Variants in LSAMP observed in about 807,000 individuals in gnomAD.
LSAMP encodes limbic system associated membrane protein, also known as limbic system-associated membrane protein.
A neutral mutation model predicts 38.6 loss-of-function variants in LSAMP; 7 were observed. The ratio of observed to expected loss-of-function variants is 0.18; its 90% confidence interval spans 0.10 to 0.34. The LOEUF (loss-of-function observed/expected upper bound fraction) is 0.34, where lower values mean the gene tolerates loss of function less well. Ranked by LOEUF, LSAMP falls within the 10% of genes least tolerant of loss-of-function variation. The probability of loss-of-function intolerance (pLI) is 1.00; values close to 1 mark genes in which losing one functional copy is unlikely to be tolerated. For missense variants in LSAMP, 313 were observed against 420.0 expected, an observed-to-expected ratio of 0.75 and a Z score of 2.23; for synonymous variants, 154 against 166.8, an observed-to-expected ratio of 0.92 and a Z score of 0.59.
chr3:116,250,909 A>G (rs1320107456), intron 1 of LSAMP, among the ~76,000 whole-genome samples: 2 of 152,064 alleles, frequency 1.3e-5, no homozygotes, highest in African/African-American at 2.4e-5. Flanking sequence ...AGAAAGCTAT[A>G]AAAGAAAACG....
chr3:116,194,547 A>G (rs1710834811), intron 1 of LSAMP, among the ~76,000 whole-genome samples: 1 of 152,120 alleles, frequency 6.6e-6, no homozygotes, highest in South Asian at 2.1e-4. Flanking sequence ...GGAGCCCGCC[A>G]CCACGCCCAG....
intron 3 of LSAMP, among the ~76,000 whole-genome samples, chr3:116,014,204 G>C (rs541573741): frequency 1.3e-5 from 2 of 152,178 alleles, no homozygotes; most frequent in East Asian, 3.9e-4. Context: ...TAAGTCAAGA[G>C]GTGTGTGTAT....
chr3:116,057,445 G>A (rs1188748962), intron 2 of LSAMP, among the ~76,000 whole-genome samples: 1 of 152,052 alleles, frequency 6.6e-6, no homozygotes, highest in Non-Finnish European at 1.5e-5. Context: ...CCCTTGATAT[G>A]GCATTGGTCA....
intron 1 of LSAMP, among the ~76,000 whole-genome samples, chr3:116,313,700 T>C (rs1449227711): frequency 6.6e-6 from 1 of 152,192 alleles, no homozygotes; most frequent in Non-Finnish European, 1.5e-5. Context: ...ACACCTATCA[T>C]CCCAGTACTT....
intron 2 of LSAMP, 92 bp from the exon 3 acceptor site, chr3:116,019,732 TA>T: frequency 1.5e-6 from 2 of 1,368,352 alleles, no homozygotes; most frequent in Admixed American, 3.5e-5. Context: ...CAAGGTTTTA[TA>T]ACTTAATTTG....
At chr3:116,419,524 G>A (rs761510731) in intron 1 of LSAMP, among the ~76,000 whole-genome samples, 19 of 152,174 alleles carry the variant, frequency 1.2e-4, no homozygotes, top group Non-Finnish European at 2.1e-4. Context: ...GGAGCTAGAA[G>A]CCAGGAGAGG....
intron 1 of LSAMP, among the ~76,000 whole-genome samples, chr3:116,241,837 A>G (rs1045433500): frequency 3.9e-5 from 6 of 152,308 alleles, no homozygotes; most frequent in African/African-American, 7.2e-5. Context: ...CCTCACCACT[A>G]TCACTGTTAG....
At chr3:116,418,694 C>G (rs2049083572) in intron 1 of LSAMP, among the ~76,000 whole-genome samples, 1 of 152,102 alleles carries the variant, frequency 6.6e-6, no homozygotes, top group African/African-American at 2.4e-5. Context: ...AAATTAAATT[C>G]AGAAAGCTGA....
At chr3:115,904,224 A>G (rs1171914384) in intron 3 of LSAMP, among the ~76,000 whole-genome samples, 1 of 152,204 alleles carries the variant, frequency 6.6e-6, no homozygotes, top group Non-Finnish European at 1.5e-5. Context: ...GCTATTAAAC[A>G]TATTTTAGGA....
chr3:115,845,622 T>C (rs1189599674), intron 4 of LSAMP, among the ~76,000 whole-genome samples: 1 of 152,188 alleles, frequency 6.6e-6, no homozygotes, highest in Non-Finnish European at 1.5e-5. Flanking sequence ...TCCTTTCTGC[T>C]TTCATGTGGG....
intron 3 of LSAMP, among the ~76,000 whole-genome samples, chr3:115,923,943 A>C (rs1446999313): frequency 6.6e-6 from 1 of 152,172 alleles, no homozygotes; most frequent in African/African-American, 2.4e-5. Context: ...GGAGCACTAC[A>C]TAAATTTATC....
chr3:116,385,508 C>G lies in LSAMP; in HGVS notation c.155+59369G>C, dbSNP rs573130985. 3.9e-3 allele frequency among the ~76,000 whole-genome samples: 588 copies of G among 152,226 alleles called. 5 individuals carry two copies. The highest frequency in any genetic ancestry group is 0.013 in the African/African-American group (557 of 41,536). ...CAAGGGCCAAGTTGAATCTCAAATC[C>G]AAAGAGGCTGCTGTGTAGGGAATTT... On this transcript the variant is annotated intron_variant, in intron 1 of 6. Transcript: ENST00000490035.
At chr3:115,912,553 A>G (rs529663392) in intron 3 of LSAMP, among the ~76,000 whole-genome samples, 1 of 152,284 alleles carries the variant, frequency 6.6e-6, no homozygotes, top group South Asian at 2.1e-4. Flanking sequence ...GCCTCCTCTG[A>G]CACCATCTTG....
At chr3:116,370,625 C>T (rs149172709) in intron 1 of LSAMP, among the ~76,000 whole-genome samples, 7 of 152,252 alleles carry the variant, frequency 4.6e-5, no homozygotes, top group Middle Eastern at 3.4e-3. Flanking sequence ...AAAAATGACC[C>T]TGCCATCCAA....
At chr3:116,205,175 G>A (rs2046049503) in intron 1 of LSAMP, among the ~76,000 whole-genome samples, 1 of 148,550 alleles carries the variant, frequency 6.7e-6, no homozygotes, top group African/African-American at 2.5e-5. Flanking sequence ...TTGTGAATGG[G>A]AGTTCACTCA....
chr3:116,332,720 G>T (rs1323392214), intron 1 of LSAMP, among the ~76,000 whole-genome samples: 1 of 152,026 alleles, frequency 6.6e-6, no homozygotes, highest in Non-Finnish European at 1.5e-5. Flanking sequence ...AAAAATACAT[G>T]ATCCAATTAT....
intron 3 of LSAMP, among the ~76,000 whole-genome samples, chr3:115,854,837 A>G (rs1935456741): frequency 1.3e-5 from 2 of 152,272 alleles, no homozygotes; most frequent in Non-Finnish European, 2.9e-5. Flanking sequence ...TTTTTTATTT[A>G]GCAGGCAGAA....
intron 3 of LSAMP, among the ~76,000 whole-genome samples, chr3:115,917,761 G>A (rs1231729634): frequency 6.6e-6 from 1 of 151,660 alleles, no homozygotes; most frequent in Non-Finnish European, 1.5e-5. Flanking sequence ...AATGGAATGG[G>A]ATTTTCTTCA....
chr3:115,972,115 A>T (rs1939038837), intron 3 of LSAMP, among the ~76,000 whole-genome samples: 1 of 152,138 alleles, frequency 6.6e-6, no homozygotes, highest in South Asian at 2.1e-4. Flanking sequence ...ATCTCCTTCC[A>T]TGAACAAACT....
Sources: gnomAD v4.1 joint callset for allele counts (sites outside exome capture counted in the v4.1 genomes callset) on GRCh38, gnomAD v4.1.1 for gene constraint, MANE v1.5 for transcripts, NCBI Gene and HGNC (gene_info 2026-07-23, HGNC 2026-07-21) for gene names.